Variants in LOC128462377 observed in about 807,000 individuals in gnomAD.
chr16:89,384,879 C>CTTTCTTTTTTTT, the LOC128462377 span, among the ~76,000 whole-genome samples: 1 of 49,910 alleles, frequency 2.0e-5, no homozygotes, highest in African/African-American at 7.9e-5. Flanking sequence ...AAATAGTTTT[C>CTTTCTTTTTTTT]TTTTTTTTTT....
At chr16:89,396,729 C>G in the LOC128462377 span, among the ~76,000 whole-genome samples, 1 of 152,198 alleles carries the variant, frequency 6.6e-6, no homozygotes, top group South Asian at 2.1e-4. Flanking sequence ...CTCTGTCGCC[C>G]AGGCTGGAGT....
chr16:89,354,171 T>C, the LOC128462377 span, among the ~76,000 whole-genome samples: 1 of 150,420 alleles, frequency 6.6e-6, no homozygotes, highest in African/African-American at 2.5e-5. Flanking sequence ...AGTATACCTT[T>C]ACCCATTCAA....
chr16:89,382,337 T>TATATA, the LOC128462377 span, among the ~76,000 whole-genome samples: 47 of 149,788 alleles, frequency 3.1e-4, no homozygotes, highest in African/African-American at 5.7e-4. Flanking sequence ...ATATATATAT[T>TATATA]TTTTTAAAGA....
At chr16:89,332,123 A>G in the LOC128462377 span, among the ~76,000 whole-genome samples, 3 of 152,178 alleles carry the variant, frequency 2.0e-5, no homozygotes, top group South Asian at 2.1e-4. Context: ...TTCCATCTCC[A>G]TATTAAAAAA....
the LOC128462377 span, among the ~76,000 whole-genome samples, chr16:89,380,802 C>T: frequency 4.6e-5 from 7 of 152,348 alleles, no homozygotes; most frequent in South Asian, 4.1e-4. Flanking sequence ...GTAACCACCA[C>T]GAGCACTGGG....
the LOC128462377 span, among the ~76,000 whole-genome samples, chr16:89,331,447 G>C: frequency 6.6e-6 from 1 of 152,268 alleles, no homozygotes; most frequent in South Asian, 2.1e-4. Context: ...AGAATTTACA[G>C]ATTAAAGACT....
At chr16:89,337,456 T>TTTTTTTTTTTA in the LOC128462377 span, among the ~76,000 whole-genome samples, 2 of 142,010 alleles carry the variant, frequency 1.4e-5, no homozygotes, top group Non-Finnish European at 1.5e-5. Context: ...TTTTTTTTTT[T>TTTTTTTTTTTA]GAGACAGTCT....
At chr16:89,382,766 C>T in the LOC128462377 span, among the ~76,000 whole-genome samples, 9 of 152,222 alleles carry the variant, frequency 5.9e-5, no homozygotes, top group Non-Finnish European at 1.3e-4. Context: ...AGGTGTGAGT[C>T]AACTGTGTTC....
At chr16:89,329,400 A>G in the LOC128462377 span, among the ~76,000 whole-genome samples, 5 of 152,152 alleles carry the variant, frequency 3.3e-5, no homozygotes, top group African/African-American at 7.2e-5. Context: ...AGAAAAAAGG[A>G]AAAAAAAGGG....
the LOC128462377 span, among the ~76,000 whole-genome samples, chr16:89,318,115 T>C: frequency 6.6e-6 from 1 of 152,154 alleles, no homozygotes; most frequent in Non-Finnish European, 1.5e-5. Context: ...CCCACCCCCG[T>C]GGTGTGAGGC....
chr16:89,317,292 G>A, the LOC128462377 span, among the ~76,000 whole-genome samples: 2 of 152,304 alleles, frequency 1.3e-5, no homozygotes, highest in East Asian at 1.9e-4. Flanking sequence ...GAGCAGGAAG[G>A]AGAACAGAGA....
At chr16:89,353,723 G>A in the LOC128462377 span, among the ~76,000 whole-genome samples, 8 of 152,162 alleles carry the variant, frequency 5.3e-5, no homozygotes, top group African/African-American at 1.7e-4. Context: ...CAGCTGATCC[G>A]CCTGCCTGGG....
At chr16:89,375,145 C>A in the LOC128462377 span, among the ~76,000 whole-genome samples, 592 of 152,208 alleles carry the variant, frequency 3.9e-3, 5 homozygotes, top group African/African-American at 0.014. Flanking sequence ...ACATACCACA[C>A]TGCACGCTGT....
At chr16:89,385,764 G>A in the LOC128462377 span, among the ~76,000 whole-genome samples, 4 of 152,256 alleles carry the variant, frequency 2.6e-5, no homozygotes, top group Non-Finnish European at 4.4e-5. Context: ...GAAGGCTAAC[G>A]TGAGTGGCAG....
the LOC128462377 span, chr16:89,403,874 G>C: frequency 6.6e-6 from 1 of 152,316 alleles, no homozygotes; most frequent in South Asian, 2.1e-4. Context: ...TGAGGCTGCA[G>C]TAAGCCATGA....
the LOC128462377 span, chr16:89,373,597 T>C: frequency 6.6e-6 from 1 of 152,306 alleles, no homozygotes; most frequent in Admixed American, 6.5e-5. Flanking sequence ...AACATCGGCA[T>C]GTGACTGAGG....
the LOC128462377 span, among the ~76,000 whole-genome samples, chr16:89,368,371 G>GTTTTTT: frequency 1.1e-4 from 6 of 56,594 alleles, no homozygotes; most frequent in Admixed American, 3.3e-4. Flanking sequence ...TAATTTTTGT[G>GTTTTTT]TTTTTTTTTT....
At chr16:89,372,779 A>G in the LOC128462377 span, 1 of 152,172 alleles carries the variant, frequency 6.6e-6, no homozygotes, top group Non-Finnish European at 1.5e-5. Context: ...TTCCCCACGC[A>G]AAGTTAAACA....
At chr16:89,376,228 G>A in the LOC128462377 span, among the ~76,000 whole-genome samples, 1 of 152,142 alleles carries the variant, frequency 6.6e-6, no homozygotes, top group Non-Finnish European at 1.5e-5. Context: ...GAAAAGTGAA[G>A]CCATTATACA....
Sources: gnomAD v4.1 joint callset for allele counts (sites outside exome capture counted in the v4.1 genomes callset) on GRCh38, gnomAD v4.1.1 for gene constraint, MANE v1.5 for transcripts.